Variants in PKHD1 observed in about 807,000 individuals in gnomAD.
PKHD1 encodes PKHD1 ciliary IPT domain containing fibrocystin/polyductin.
Under a neutral mutation model 412.0 loss-of-function variants are expected in PKHD1, and 291 were observed. The observed-to-expected ratio is 0.71, with a 90% CI of 0.64 to 0.78. The LOEUF is 0.78. Ranked by LOEUF, PKHD1 falls within the 30% of genes least tolerant of loss-of-function variation. The pLI is 0.00. For synonymous variants in PKHD1, 1,777 were observed against 1,821.5 expected, an observed-to-expected ratio of 0.98 and a Z score of 0.62; for missense variants, 4,825 against 4,950.7, an observed-to-expected ratio of 0.97 and a Z score of 0.76.
At chr6:51,710,223 T>G (rs549005746) in intron 60 of PKHD1, among the ~76,000 whole-genome samples, 8 of 152,058 alleles carry the variant, frequency 5.3e-5, no homozygotes, top group African/African-American at 1.7e-4. Context: ...CAAAAAAAAA[T>G]TATTTTCAGA....
chr6:51,624,908 C>T (rs1209985460), intron 66 of PKHD1, among the ~76,000 whole-genome samples: 1 of 152,182 alleles, frequency 6.6e-6, no homozygotes, highest in African/African-American at 2.4e-5. Flanking sequence ...CTGTCACACT[C>T]TCCTGATTCT....
At chr6:51,695,436 G>A (rs1778679418) in intron 60 of PKHD1, among the ~76,000 whole-genome samples, 1 of 152,132 alleles carries the variant, frequency 6.6e-6, no homozygotes, top group Non-Finnish European at 1.5e-5. Context: ...ATGAAGAGGA[G>A]TAGGAGGAGA....
intron 22 of PKHD1, 125 bp from the exon 23 acceptor site, chr6:52,048,744 G>A: frequency 9.1e-7 from 1 of 1,101,112 alleles, no homozygotes. Context: ...GGGACCTGAG[G>A]AAACTCAGTA....
At chr6:51,980,132 C>T (rs1383259174) in intron 35 of PKHD1, among the ~76,000 whole-genome samples, 2 of 152,182 alleles carry the variant, frequency 1.3e-5, no homozygotes, top group African/African-American at 4.8e-5. Flanking sequence ...GAATTAGACC[C>T]ATTTATTACC....
chr6:51,739,843 T>C, intron 60 of PKHD1: 1 of 262,932 alleles, frequency 3.8e-6, no homozygotes, highest in South Asian at 3.7e-5. Flanking sequence ...AAGCTCTGAT[T>C]TCTTTCTGCT....
intron 60 of PKHD1, among the ~76,000 whole-genome samples, chr6:51,690,818 G>A (rs1322561067): frequency 2.0e-5 from 3 of 152,056 alleles, no homozygotes; most frequent in Non-Finnish European, 4.4e-5. Context: ...GACAAATGGG[G>A]TATAATTAAA....
chr6:51,657,054 C>T (rs530710726), intron 61 of PKHD1, among the ~76,000 whole-genome samples: 8 of 150,618 alleles, frequency 5.3e-5, no homozygotes, highest in Middle Eastern at 3.4e-3. Flanking sequence ...ATTAAATTAA[C>T]GAGAGCAAAC....
chr6:51,943,041 G>T, intron 36 of PKHD1, among the ~76,000 whole-genome samples: 1 of 151,518 alleles, frequency 6.6e-6, no homozygotes, highest in Non-Finnish European at 1.5e-5. Flanking sequence ...GTCTAAGAAG[G>T]CCACCACGGT....
intron 60 of PKHD1, among the ~76,000 whole-genome samples, chr6:51,674,808 G>A (rs1214688962): frequency 6.6e-6 from 1 of 152,098 alleles, no homozygotes; most frequent in Non-Finnish European, 1.5e-5. Context: ...GAGTCCATTT[G>A]CTGTGTTATG....
intron 36 of PKHD1, among the ~76,000 whole-genome samples, chr6:51,959,462 A>G (rs1346305043): frequency 6.6e-6 from 1 of 152,256 alleles, no homozygotes; most frequent in East Asian, 1.9e-4. Flanking sequence ...AGAAGTCAAA[A>G]CCACAACAGG....
rs76572975 is a variant in PKHD1, at chr6:51,632,705, C to T, written c.11525G>A (p.Arg3842Gln). 4.5e-5 allele frequency: 72 copies of T among 1,613,116 alleles called. No homozygotes were observed. In the East Asian group the frequency reaches 1.4e-3, roughly 32 times the overall value. The change falls in exon 65 of 67, where the codon CGA (arginine) becomes CAA (glutamine). Residue 3842 changes from arginine to glutamine, a missense_variant. By Grantham distance (43) the Arg-to-Gln change is conservative. Transcript: ENST00000371117. ...TSPPGVNFTARSKPFAVLPVT... is the reference protein window; with the variant it reads ...TSPPGVNFTAQSKPFAVLPVT... Reference sequence around the variant, plus strand: ...AGGCAAGACAGCAAATGGCTTGGATCGAGCTGTAAAATTGACTCCTGTGGC... The same window carrying T: ...AGGCAAGACAGCAAATGGCTTGGATTGAGCTGTAAAATTGACTCCTGTGGC...
intron 56 of PKHD1, 64 bp from the exon 57 acceptor site, chr6:51,753,417 G>C (rs1786447673): frequency 2.2e-6 from 3 of 1,345,812 alleles, no homozygotes; most frequent in East Asian, 4.6e-5. Flanking sequence ...TCACTAGCTG[G>C]GGACCCAGCA....
At chr6:52,059,472 C>T (rs1238253165) in intron 15 of PKHD1, among the ~76,000 whole-genome samples, 1 of 151,784 alleles carries the variant, frequency 6.6e-6, no homozygotes, top group Non-Finnish European at 1.5e-5. Flanking sequence ...TGGTCTCAAA[C>T]TCCTGGGCTC....
At chr6:51,665,480 A>G (rs1171714918) in intron 60 of PKHD1, among the ~76,000 whole-genome samples, 1 of 152,166 alleles carries the variant, frequency 6.6e-6, no homozygotes, top group African/African-American at 2.4e-5. Context: ...ATCCCACCAA[A>G]CAATTAGTCA....
chr6:52,042,685 T>A (rs1406061694), intron 27 of PKHD1, among the ~76,000 whole-genome samples, 174 bp downstream of exon 27: 2 of 152,212 alleles, frequency 1.3e-5, no homozygotes, highest in Non-Finnish European at 2.9e-5. Flanking sequence ...ATGTGGCAAG[T>A]GAGTTCATTT....
intron 60 of PKHD1, among the ~76,000 whole-genome samples, chr6:51,736,437 C>A (rs1314508462): frequency 6.6e-6 from 1 of 152,134 alleles, no homozygotes; most frequent in Non-Finnish European, 1.5e-5. Context: ...GAACGATGTA[C>A]CACTAGAAGC....
At chr6:51,809,758 T>C (rs1764402378) in intron 52 of PKHD1, among the ~76,000 whole-genome samples, 1 of 152,076 alleles carries the variant, frequency 6.6e-6, no homozygotes, top group Non-Finnish European at 1.5e-5. Flanking sequence ...GTGGAATTTA[T>C]TGTCTATTGC....
chr6:51,902,776 T>C (rs1781486019), intron 43 of PKHD1, among the ~76,000 whole-genome samples: 1 of 152,196 alleles, frequency 6.6e-6, no homozygotes, highest in Non-Finnish European at 1.5e-5. Flanking sequence ...GGTCTACAGC[T>C]ACATTGTCCC....
At chr6:51,987,011 G>C (rs370016280) in intron 35 of PKHD1, among the ~76,000 whole-genome samples, 2 of 152,192 alleles carry the variant, frequency 1.3e-5, no homozygotes, top group African/African-American at 4.8e-5. Flanking sequence ...TAAAGAAAGC[G>C]TGGGTACAGA....
Sources: gnomAD v4.1 joint callset for allele counts (sites outside exome capture counted in the v4.1 genomes callset) on GRCh38, gnomAD v4.1.1 for gene constraint, MANE v1.5 for transcripts, NCBI Gene and HGNC (gene_info 2026-07-23, HGNC 2026-07-21) for gene names.